MS4A6E: variants seen among roughly 807,000 people sequenced by gnomAD.
The protein encoded by MS4A6E is membrane spanning 4-domains A6E.
MS4A6E carries 8 observed loss-of-function variants against 13.2 expected under a neutral mutation model. That is an observed-to-expected ratio of 0.60 (90% CI 0.35 to 1.09). The LOEUF is 1.09. Ranked by LOEUF, MS4A6E falls within the 50% of genes least tolerant of loss-of-function variation. MS4A6E has a pLI of 0.02. For missense variants in MS4A6E, 177 were observed against 171.1 expected (o/e 1.03, Z -0.19); for synonymous variants, 72 against 67.6 (o/e 1.06, Z -0.32).
rs751058506 is a variant in MS4A6E at position 60,334,998 on chromosome 11, G to A, written c.103G>A (p.Asp35Asn). 5.6e-6 allele frequency: 9 copies of A among 1,614,132 alleles called. No individual in the cohort carries two copies. The highest frequency in any genetic ancestry group is 7.6e-6 in the Non-Finnish European group (9 of 1,180,030). Residue 35 changes from aspartate to asparagine, a missense_variant, in exon 2 of 5, where the codon GAT becomes AAT. By Grantham distance (23) the Asp-to-Asn change is conservative (BLOSUM62 1). Coordinates refer to ENST00000684409, the MANE Select transcript of MS4A6E (RefSeq NM_139249.4). ...ACCCGAACCCACCAACCAGGGGCAG[G>A]ATAGCCTGAAGAAACGTCTACAGGC... is the stretch of plus-strand genomic sequence containing the variant. ...EKPEPTNQGQ[D>N]SLKKRLQAKV...
intron 1 of MS4A6E, among the ~76,000 whole-genome samples, chr11:60,329,242 T>C (rs537179567): frequency 6.6e-6 from 1 of 151,198 alleles, no homozygotes; most frequent in African/African-American, 2.4e-5. Flanking sequence ...GAATATGCAG[T>C]GTTTGGTTTT....
rs559594332 is a variant in MS4A6E at position 60,346,522 on chromosome 11, G to A, written c.*162+5594G>A. On this transcript the variant is annotated intron_variant and NMD_transcript_variant, in intron 4 of 4. Transcript: ENST00000532756. ...TTGACTGAATAAGGGGATAGGAAGT[G>A]TGTTTTATTAGTGTATCTCTCAGCC... 2.0e-5 allele frequency among the ~76,000 whole-genome samples: 3 copies of A among 152,312 alleles called. No homozygotes were observed. The East Asian group carries it at 5.8e-4, about 29-fold the overall frequency.
chr11:60,339,981 G>C lies in MS4A6E; in HGVS notation c.*9+17G>C, dbSNP rs1242233404. The C allele has an allele frequency of 2.5e-6, 4 of 1,611,742 alleles. No homozygotes were observed. Among genetic ancestry groups the C allele is most frequent in the Non-Finnish European group, 2.5e-6 (3 of 1,178,408 alleles). ...CTTCCCTGGGTGAGTGTGCTGGCCA[G>C]CCTCGCTTAATCTTGCCTAGTGTAT... On this transcript the variant is annotated intron_variant, in intron 4 of 4. Transcript: ENST00000684409.
At chr11:60,333,836 C>T (rs1417702665) in intron 1 of MS4A6E, among the ~76,000 whole-genome samples, 1 of 152,176 alleles carries the variant, frequency 6.6e-6, no homozygotes, top group Non-Finnish European at 1.5e-5. Flanking sequence ...AAATTTATCT[C>T]CAACTCCTTT....
At chr11:60,345,359 T>G (rs2085251790), downstream of MS4A6E, among the ~76,000 whole-genome samples, 1 of 152,236 alleles carries the variant, frequency 6.6e-6, no homozygotes, top group South Asian at 2.1e-4. Context: ...TTTATTTTGC[T>G]TAATTCAAGT....
chr11:60,336,269 G>C (rs941266105), intron 2 of MS4A6E, among the ~76,000 whole-genome samples: 14 of 152,174 alleles, frequency 9.2e-5, no homozygotes, highest in African/African-American at 3.1e-4. Context: ...TGTGGCTATC[G>C]ATGATGTGAA....
intron 1 of MS4A6E, among the ~76,000 whole-genome samples, chr11:60,333,273 C>T (rs1057069219): frequency 6.6e-6 from 1 of 152,100 alleles, no homozygotes; most frequent in Admixed American, 6.5e-5. Flanking sequence ...GCATTTAAGA[C>T]TTTCTTAGTA....
At chr11:60,342,144 A>AGTGTGTGT (rs757687887), downstream of MS4A6E, among the ~76,000 whole-genome samples, 94 of 125,454 alleles carry the variant, frequency 7.5e-4, 1 homozygote, top group African/African-American at 2.2e-3. Flanking sequence ...AGGATAAACA[A>AGTGTGTGT]GTGTGTGTGT....
At chr11:60,334,860 A>G in intron 1 of MS4A6E, 22 bp from the exon 2 acceptor site, 1 of 1,611,126 alleles carries the variant, frequency 6.2e-7, no homozygotes, top group East Asian at 2.2e-5. Context: ...TTTAAGAGCT[A>G]AATCTATTTT....
chr11:60,337,333 G>A (rs2085193905), intron 2 of MS4A6E, among the ~76,000 whole-genome samples: 1 of 152,186 alleles, frequency 6.6e-6, no homozygotes, highest in African/African-American at 2.4e-5. Context: ...CAGATTTTCT[G>A]TGTGGTTGAT....
At position 60,338,012 on chromosome 11, in the gene MS4A6E, A is replaced by G; in HGVS notation, c.354+65A>G. The stretch of plus-strand genomic sequence containing the variant: ...TTTCTGAAAGCCTTGATTTCTTATT[A>G]TTCCATCCTTTGAAAATCTCTCTGT... On this transcript the variant is annotated intron_variant, in intron 3 of 4. Transcript: ENST00000684409. 3 of 1,497,130 alleles carry G rather than the reference A, an allele frequency of 2.0e-6. No individual in the cohort carries two copies. In the South Asian group the frequency reaches 3.6e-5, roughly 18 times the overall value. The allele number at this position is 1,497,130 out of a possible 1,614,324, so 92.7% of individuals were successfully genotyped here.
At chr11:60,333,397 A>G (rs2085169129) in intron 1 of MS4A6E, among the ~76,000 whole-genome samples, 1 of 152,240 alleles carries the variant, frequency 6.6e-6, no homozygotes, top group Non-Finnish European at 1.5e-5. Flanking sequence ...TTTGTTTTCC[A>G]GCAATCCAAA....
At position 60,334,945 on chromosome 11, in the gene MS4A6E, A is replaced by T. The variant is rs2085178850; in HGVS notation, c.50A>T (p.Asn17Ile). ...SNETIIMLPS[N>I]VINFSQAEKP... is the part of the protein sequence containing the mutation. ...GAGACCATCATAATGCTCCCATCAA[A>T]TGTCATCAACTTCTCCCAAGCAGAG... The change falls in exon 2 of 5, where the codon AAT becomes ATT. Residue 17 changes from asparagine (N) to isoleucine (I), a missense_variant. Asn to Ile is a moderately radical substitution (Grantham distance 149). Transcript: ENST00000684409. 2 of 1,613,998 alleles carry T rather than the reference A, an allele frequency of 1.2e-6. No homozygotes were observed. The highest frequency in any genetic ancestry group is 1.7e-6 in the Non-Finnish European group (2 of 1,179,998).
At chr11:60,327,473 A>G (rs1442437404) in intron 1 of MS4A6E, among the ~76,000 whole-genome samples, 65 bp downstream of exon 1, 1 of 152,206 alleles carries the variant, frequency 6.6e-6, no homozygotes, top group African/African-American at 2.4e-5. Flanking sequence ...AGCAGCACAA[A>G]TGGACTAAGA....
chr11:60,345,059 C>T (rs2085249756), downstream of MS4A6E, among the ~76,000 whole-genome samples: 1 of 152,042 alleles, frequency 6.6e-6, no homozygotes, highest in Admixed American at 6.5e-5. Context: ...CTCAGCCTCC[C>T]GAGTAGCTGG....
At chr11:60,337,997 C>G (rs1470828725) in intron 3 of MS4A6E, 50 bp downstream of exon 3, 2 of 1,553,066 alleles carry the variant, frequency 1.3e-6, no homozygotes, top group African/African-American at 2.7e-5. Context: ...TTTCTGAAAG[C>G]CTTGATTTCT....
At chr11:60,341,939 T>A (rs1390454763), downstream of MS4A6E, among the ~76,000 whole-genome samples, 1 of 152,214 alleles carries the variant, frequency 6.6e-6, no homozygotes, top group African/African-American at 2.4e-5. Flanking sequence ...CCAGACACTA[T>A]GCTTTTAATG....
intron 1 of MS4A6E, among the ~76,000 whole-genome samples, chr11:60,327,672 A>G (rs142429820): frequency 2.0e-5 from 3 of 152,196 alleles, no homozygotes; most frequent in South Asian, 2.1e-4. Flanking sequence ...TACAATATCA[A>G]TTAAAATGTG....
At position 60,330,114 on chromosome 11, in the gene MS4A6E, C is replaced by T. The variant is rs1256329903; in HGVS notation, c.-15+2706C>T. Among the ~76,000 whole-genome samples, 8 of 150,084 alleles carry T rather than the reference C, an allele frequency of 5.3e-5. No individual in the cohort carries two copies. The South Asian group carries it at 8.5e-4, about 16-fold the overall frequency. On this transcript the variant is annotated intron_variant, in intron 1 of 4. Coordinates refer to ENST00000684409, the MANE Select transcript of MS4A6E (RefSeq NM_139249.4). ...TGCTGGGATTACAGGCGTGAGCCAC[C>T]GCGCCCGGCCTCCTTCACCCACTTT...
Sources: allele counts gnomAD v4.1 joint callset (sites outside exome capture counted in the v4.1 genomes callset), GRCh38; gene constraint gnomAD v4.1.1; transcripts MANE v1.5; gene names NCBI Gene and HGNC (gene_info 2026-07-23, HGNC 2026-07-21).